Variants in CHDH observed in about 807,000 individuals in gnomAD.
The protein encoded by CHDH is choline dehydrogenase.
A neutral mutation model predicts 56.9 loss-of-function variants in CHDH; 43 were observed. The observed-to-expected ratio is 0.76, with a 90% confidence interval of 0.59 to 0.97. The LOEUF (loss-of-function observed/expected upper bound fraction) is 0.97, where lower values mean the gene tolerates loss of function less well. Among genes scored for constraint, CHDH ranks in the 50% least tolerant of loss-of-function variants. The probability of loss-of-function intolerance (pLI) is 0.00; values close to 1 mark genes in which losing one functional copy is unlikely to be tolerated. For synonymous variants in CHDH, 364 were observed against 348.5 expected (o/e 1.04, Z -0.50); for missense variants, 816 against 821.1 (o/e 0.99, Z 0.08).
intron 1 of CHDH, among the ~76,000 whole-genome samples, chr3:53,843,513 G>C (rs948236891): frequency 6.6e-6 from 1 of 152,150 alleles, no homozygotes; most frequent in Non-Finnish European, 1.5e-5. Context: ...ACTTGACCCA[G>C]TGATCTTCCA....
At chr3:53,834,326 A>G (rs1698429234) in intron 2 of CHDH, among the ~76,000 whole-genome samples, 1 of 152,158 alleles carries the variant, frequency 6.6e-6, no homozygotes, top group East Asian at 1.9e-4. Flanking sequence ...GGCATCTGTA[A>G]TCCCAGCTAC....
At chr3:53,834,826 AGGATTAGATCCTTT>A (rs1381136625) in intron 2 of CHDH, among the ~76,000 whole-genome samples, 1 of 152,204 alleles carries the variant, frequency 6.6e-6, no homozygotes, top group Non-Finnish European at 1.5e-5. Context: ...TGTGCCCTGT[AGGATTAGATCCTTT>A]GGCCATTACA....
At chr3:53,828,789 T>C (rs1698237789) in intron 2 of CHDH, among the ~76,000 whole-genome samples, 1 of 152,228 alleles carries the variant, frequency 6.6e-6, no homozygotes, top group Non-Finnish European at 1.5e-5. Context: ...CTTTCATTCA[T>C]AGCTGGTGGG....
At position 53,823,479 on chromosome 3, in the gene CHDH, G is replaced by A; in HGVS notation, c.530C>T (p.Ala177Val). 1.3e-6 allele frequency: 2 copies of A among 1,548,114 alleles called. No homozygotes were observed. Among genetic ancestry groups the A allele is most frequent in the South Asian group, 1.2e-5 (1 of 84,280 alleles). Residue 177 changes from alanine (A) to valine (V), a missense_variant, in exon 3 of 9, where the codon GCC (alanine) becomes GTC (valine). Coordinates refer to ENST00000315251, the MANE Select transcript of CHDH (RefSeq NM_018397.5). ...GCCATCGGCGCCCCGGTACCGGCTG[G>A]CGCCCAGCTCGTGGCCCTGCGCCTT... ...FRKAQGHELG[A>V]SRYRGADGPL...
chr3:53,823,784 C>T lies in CHDH; in HGVS notation c.225G>A (p.Lys75=), dbSNP rs770673945. The T allele has an allele frequency of 2.5e-6, 4 of 1,573,826 alleles. No homozygotes were observed. Among genetic ancestry groups the T allele is most frequent in the Admixed American group, 3.6e-5 (2 of 54,990 alleles). The part of the protein sequence containing the change: ...ERVLLLEAGP[K]DVLAGSKRLS... ...GCCGCTTGCTCCCCGCGAGCACGTC[C>T]TTGGGCCCGGCCTCCAGCAGCAGCA... The change falls in exon 3 of 9, where the codon AAG becomes AAA. Residue 75 remains lysine (K), a synonymous_variant. Coordinates refer to ENST00000315251, the MANE Select transcript of CHDH (RefSeq NM_018397.5).
intron 2 of CHDH, among the ~76,000 whole-genome samples, chr3:53,835,111 GA>G (rs1698456229): frequency 6.6e-6 from 1 of 152,208 alleles, no homozygotes. Context: ...ATTTAATCAA[GA>G]GAGTGCTCTG....
intron 5 of CHDH, 102 bp downstream of exon 5, chr3:53,821,545 C>G: frequency 9.5e-7 from 1 of 1,052,994 alleles, no homozygotes; most frequent in Non-Finnish European, 1.4e-6. Context: ...CCAAGGATCA[C>G]TGACTGCCAC....
At chr3:53,823,271 T>C in intron 3 of CHDH, 35 bp downstream of exon 3, 2 of 1,448,800 alleles carry the variant, frequency 1.4e-6, no homozygotes, top group Admixed American at 2.5e-5. Context: ...GGGTAGGGGG[T>C]AGTGCTTTTT....
intron 2 of CHDH, among the ~76,000 whole-genome samples, chr3:53,838,416 C>T (rs980112060): frequency 1.3e-4 from 20 of 152,340 alleles, no homozygotes; most frequent in Middle Eastern, 3.4e-3. Context: ...ACTCCCTGCA[C>T]TCTGGGCTGC....
At chr3:53,827,813 C>T (rs1380103129) in intron 2 of CHDH, among the ~76,000 whole-genome samples, 1 of 152,188 alleles carries the variant, frequency 6.6e-6, no homozygotes, top group Non-Finnish European at 1.5e-5. Context: ...CAGTTCTTCT[C>T]AACTTCATCT....
At chr3:53,840,358 G>C (rs901078823) in intron 2 of CHDH, among the ~76,000 whole-genome samples, 8 of 151,922 alleles carry the variant, frequency 5.3e-5, no homozygotes, top group African/African-American at 1.7e-4. Flanking sequence ...GAAACCCCAT[G>C]TCTACAAAAA....
At chr3:53,824,785 G>C (rs149836132) in intron 2 of CHDH, among the ~76,000 whole-genome samples, 2 of 152,304 alleles carry the variant, frequency 1.3e-5, no homozygotes, top group Admixed American at 1.3e-4. Flanking sequence ...AGTGCACAGA[G>C]GTAGAAAAGA....
rs893363 is a variant in CHDH at position 53,813,035 on chromosome 3, G to A, written c.*4742C>T. 84,127 of 151,888 alleles carry A rather than the reference G, an allele frequency of 0.55. 25,373 individuals carry two copies. Among genetic ancestry groups the A allele is most frequent in the East Asian group, 0.96 (4,973 of 5,172 alleles). The allele number at this position is 151,888 out of a possible 1,614,324, so 9.4% of individuals were successfully genotyped here. A position where few individuals can be genotyped will look rare whatever the true frequency, so the allele number is the denominator to read the frequency against. On this transcript the variant is annotated 3_prime_UTR_variant, in exon 9 of 9. Transcript: ENST00000315251. Reference sequence around the variant, plus strand: ...GTCAACAGAATTAGGCCGACTGTCAGGTTACCTTGGCAGGGATTCCCTGCA... The same window carrying A: ...GTCAACAGAATTAGGCCGACTGTCAAGTTACCTTGGCAGGGATTCCCTGCA...
At position 53,843,188 on chromosome 3, in the gene CHDH, C is replaced by CCTT. The variant is rs578127745; in HGVS notation, c.-130-2190_-130-2189insAAG. Among the ~76,000 whole-genome samples, 726 of 125,154 alleles carry CCTT rather than the reference C, an allele frequency of 5.8e-3. 4 individuals are homozygous for CCTT. The highest frequency in any genetic ancestry group is 0.014 in the Middle Eastern group (3 of 220). 82.1% of individuals were successfully genotyped at this position (125,154 alleles called of 152,430 possible). ...GGTCCTAGGGAATTTCCCCCCCCAC[C>CCTT]TTTTTTTTTTTTTTTTGGTTCTGCC... On this transcript the variant is annotated intron_variant, in intron 1 of 8. Transcript: ENST00000315251.
chr3:53,823,269 G>C (rs1490195806), intron 3 of CHDH, 37 bp downstream of exon 3: 1 of 1,456,164 alleles, frequency 6.9e-7, no homozygotes, highest in African/African-American at 1.4e-5. Context: ...TGGGGTAGGG[G>C]GTAGTGCTTT....
At position 53,815,858 on chromosome 3, in the gene CHDH, G is replaced by A. The variant is rs993066406; in HGVS notation, c.*1919C>T. ...TTACGGGGCTGGCACCTGAACTCCT[G>A]TTTCTGCACTCTTGCAGGCAGCCCC... On this transcript the variant is annotated 3_prime_UTR_variant, in exon 9 of 9. Transcript: ENST00000315251. 1.3e-5 allele frequency: 2 copies of A among 152,280 alleles called. No individual in the cohort carries two copies. Among genetic ancestry groups the A allele is most frequent in the African/African-American group, 4.8e-5 (2 of 41,458 alleles). 9.4% of individuals were successfully genotyped at this position (152,280 alleles called of 1,614,324 possible).
In CHDH at chr3:53,813,231, A is replaced by ACACTT. The variant is rs1480271869; in HGVS notation, c.*4541_*4545dup. On this transcript the variant is annotated 3_prime_UTR_variant, in exon 9 of 9. Coordinates refer to ENST00000315251, the MANE Select transcript of CHDH (RefSeq NM_018397.5). Reference sequence around the variant, plus strand: ...CATTCTTACTCTGATCCAGGCAAAAACACTTCAAGGTTTGTAAATGACTCT... The same window carrying ACACTT: ...CATTCTTACTCTGATCCAGGCAAAAACACTTCACTTCAAGGTTTGTAAATGACTCT... 1 of 151,702 alleles carries ACACTT rather than the reference A, an allele frequency of 6.6e-6. No homozygotes were observed. The highest frequency in any genetic ancestry group is 1.9e-4 in the East Asian group (1 of 5,172). The allele number at this position is 151,702 out of a possible 1,614,324, so 9.4% of individuals were successfully genotyped here.
At chr3:53,827,096 C>CTGGT (rs2095640386) in intron 2 of CHDH, among the ~76,000 whole-genome samples, 5 of 152,136 alleles carry the variant, frequency 3.3e-5, no homozygotes, top group African/African-American at 7.2e-5. Context: ...GCCTGGGCAA[C>CTGGT]ATAGAAATAC....
intron 1 of CHDH, among the ~76,000 whole-genome samples, chr3:53,843,024 A>T (rs1450496268): frequency 6.6e-6 from 1 of 152,188 alleles, no homozygotes; most frequent in Non-Finnish European, 1.5e-5. Flanking sequence ...GAACTGGAAA[A>T]TTCCACCTGT....
Sources: allele counts gnomAD v4.1 joint callset (sites outside exome capture counted in the v4.1 genomes callset), GRCh38; gene constraint gnomAD v4.1.1; transcripts MANE v1.5; gene names NCBI Gene and HGNC (gene_info 2026-07-23, HGNC 2026-07-21).